Variants in TMEM132D observed in about 807,000 individuals in gnomAD.
TMEM132D encodes the protein mature OL transmembrane protein.
In TMEM132D, 21 loss-of-function variants were observed where a neutral mutation model predicts 62.3. The ratio of observed to expected loss-of-function variants is 0.34; its 90% CI spans 0.24 to 0.49. The LOEUF is 0.49. TMEM132D is among the 20% of genes least tolerant of loss of function. The pLI is 0.99. For synonymous variants in TMEM132D, 621 were observed against 575.6 expected, an observed-to-expected ratio of 1.08 and a Z score of -1.13; for missense variants, 1,346 against 1,402.8, an observed-to-expected ratio of 0.96 and a Z score of 0.65.
intron 1 of TMEM132D, among the ~76,000 whole-genome samples, chr12:129,753,003 G>A (rs1870048190): frequency 6.6e-6 from 1 of 152,234 alleles, no homozygotes; most frequent in Non-Finnish European, 1.5e-5. Context: ...AGACACAGAT[G>A]TCCTCTGCCC....
intron 2 of TMEM132D, among the ~76,000 whole-genome samples, chr12:129,557,701 G>C (rs969543541): frequency 1.3e-5 from 2 of 152,182 alleles, no homozygotes; most frequent in African/African-American, 2.4e-5. Flanking sequence ...GAGAAACAGA[G>C]CAAGACCTTG....
chr12:129,525,226 G>GT (rs765569025), intron 3 of TMEM132D, among the ~76,000 whole-genome samples: 1,618 of 67,320 alleles, frequency 0.024, 245 homozygotes, highest in East Asian at 0.076. Context: ...TGCCCAGCCG[G>GT]TTTTTTTTTT....
intron 1 of TMEM132D, among the ~76,000 whole-genome samples, chr12:129,800,883 C>G (rs924838829): frequency 6.6e-6 from 1 of 152,196 alleles, no homozygotes. Context: ...CGAAGCAGGG[C>G]GAGGCATTGC....
At chr12:129,512,773 C>G (rs1875533671) in intron 3 of TMEM132D, among the ~76,000 whole-genome samples, 1 of 152,208 alleles carries the variant, frequency 6.6e-6, no homozygotes, top group African/African-American at 2.4e-5. Context: ...ACACGCATGT[C>G]CACATGTCAT....
intron 5 of TMEM132D, among the ~76,000 whole-genome samples, chr12:129,106,822 G>C (rs1006694804): frequency 1.3e-5 from 2 of 152,182 alleles, no homozygotes; most frequent in Admixed American, 1.3e-4. Context: ...CTCCTGCCCA[G>C]GAGGCCCATG....
At chr12:129,234,721 T>C (rs1383569184) in intron 4 of TMEM132D, among the ~76,000 whole-genome samples, 2 of 152,246 alleles carry the variant, frequency 1.3e-5, no homozygotes, top group Admixed American at 6.5e-5. Flanking sequence ...TAATGACTTA[T>C]ATATGTTAAT....
intron 2 of TMEM132D, among the ~76,000 whole-genome samples, chr12:129,603,451 G>A (rs763376884): frequency 6.6e-6 from 1 of 152,064 alleles, no homozygotes. Context: ...TCTTTTGTAA[G>A]TTTTCCTCCA....
chr12:129,388,208 T>C (rs1352081898), intron 3 of TMEM132D, among the ~76,000 whole-genome samples: 2 of 124,660 alleles, frequency 1.6e-5, no homozygotes, highest in African/African-American at 6.0e-5. Context: ...TCAGCACTGA[T>C]AATAATATTA....
chr12:129,121,105 G>GTT (rs111790705), intron 5 of TMEM132D, among the ~76,000 whole-genome samples: 6 of 151,538 alleles, frequency 4.0e-5, no homozygotes, highest in African/African-American at 1.2e-4. Context: ...TTATTTATTT[G>GTT]TTTTTTTTGA....
chr12:129,149,961 TTGTC>T (rs1232282837), intron 5 of TMEM132D, among the ~76,000 whole-genome samples: 1 of 152,252 alleles, frequency 6.6e-6, no homozygotes, highest in African/African-American at 2.4e-5. Flanking sequence ...CCAGTGCTCT[TTGTC>T]TGAAACCTAA....
chr12:129,206,108 C>A (rs994016818), intron 5 of TMEM132D, among the ~76,000 whole-genome samples: 2 of 152,090 alleles, frequency 1.3e-5, no homozygotes, highest in African/African-American at 4.8e-5. Flanking sequence ...CAAACAGGAT[C>A]TAATTAAAGT....
chr12:129,614,863 T>C (rs984255337), intron 2 of TMEM132D, among the ~76,000 whole-genome samples: 1 of 152,196 alleles, frequency 6.6e-6, no homozygotes, highest in African/African-American at 2.4e-5. Flanking sequence ...TAGCCATGTC[T>C]AGTTAATTTT....
intron 1 of TMEM132D, among the ~76,000 whole-genome samples, chr12:129,704,498 G>A (rs1881456570): frequency 6.6e-6 from 1 of 152,206 alleles, no homozygotes; most frequent in African/African-American, 2.4e-5. Flanking sequence ...AGACAGTGAT[G>A]GGGGCAGGAG....
intron 2 of TMEM132D, among the ~76,000 whole-genome samples, chr12:129,624,701 A>G (rs529599468): frequency 5.5e-4 from 84 of 152,374 alleles, no homozygotes; most frequent in African/African-American, 2.0e-3. Context: ...CCAGACAGCA[A>G]AAGAGTCCAT....
rs1014037554 is a variant in TMEM132D at position 129,086,334 on chromosome 12, T to TAAAC, written c.1444-1636_1444-1633dup. On this transcript the variant is annotated intron_variant, in intron 5 of 8. Coordinates refer to ENST00000422113, the MANE Select transcript of TMEM132D (RefSeq NM_133448.3). The stretch of plus-strand genomic sequence containing the variant: ...AGTGGTGAAGCCTGGGCTTTTAGTG[T>TAAAC]AAACATCACCCAAATAATGTACATT... 2.8e-4 allele frequency among the ~76,000 whole-genome samples: 43 copies of TAAAC among 152,308 alleles called. 1 individual carries two copies. The South Asian group carries it at 5.2e-3, about 18-fold the overall frequency.
chr12:129,631,473 C>T (rs952590185), intron 2 of TMEM132D, among the ~76,000 whole-genome samples: 1 of 152,154 alleles, frequency 6.6e-6, no homozygotes, highest in South Asian at 2.1e-4. Flanking sequence ...AGACCTGACT[C>T]GAGAAGTTGC....
intron 5 of TMEM132D, among the ~76,000 whole-genome samples, chr12:129,153,157 C>T: frequency 6.6e-6 from 1 of 152,156 alleles, no homozygotes; most frequent in Non-Finnish European, 1.5e-5. Flanking sequence ...GAGTCCTTTG[C>T]TGTCGTTTCT....
At chr12:129,819,361 A>G (rs552009522) in intron 1 of TMEM132D, among the ~76,000 whole-genome samples, 1 of 152,288 alleles carries the variant, frequency 6.6e-6, no homozygotes, top group African/African-American at 2.4e-5. Context: ...AATTGAATAA[A>G]TAAGATATAC....
At chr12:129,804,538 T>G (rs1871908216) in intron 1 of TMEM132D, among the ~76,000 whole-genome samples, 1 of 151,204 alleles carries the variant, frequency 6.6e-6, no homozygotes, top group South Asian at 2.1e-4. Flanking sequence ...ATGGGATGTA[T>G]TTCAACATAA....
Sources: gnomAD v4.1 joint callset for allele counts (sites outside exome capture counted in the v4.1 genomes callset) on GRCh38, gnomAD v4.1.1 for gene constraint, MANE v1.5 for transcripts, NCBI Gene and HGNC (gene_info 2026-07-23, HGNC 2026-07-21) for gene names.